Variants in GPC5 observed in about 807,000 individuals in gnomAD.
GPC5 encodes the protein glypican 5.
In GPC5, 47 loss-of-function variants were observed where a neutral mutation model predicts 53.9. The observed-to-expected ratio is 0.87, with a 90% confidence interval of 0.69 to 1.11. The LOEUF is 1.11. GPC5 is among the 50% of genes most tolerant of loss of function. GPC5 has a pLI of 0.00. For missense variants in GPC5, 748 were observed against 713.1 expected (o/e 1.05, Z -0.56); for synonymous variants, 286 against 263.3 (o/e 1.09, Z -0.84).
chr13:91,441,671 T>G (rs1045240395), intron 1 of GPC5, among the ~76,000 whole-genome samples: 1 of 152,226 alleles, frequency 6.6e-6, no homozygotes, highest in African/African-American at 2.4e-5. Flanking sequence ...ATTAATGGTC[T>G]TAAGTATTTT....
chr13:92,574,538 T>C (rs1412270792), intron 7 of GPC5, among the ~76,000 whole-genome samples: 1 of 152,220 alleles, frequency 6.6e-6, no homozygotes, highest in Non-Finnish European at 1.5e-5. Flanking sequence ...TCTCATAGTA[T>C]TGGGTTTTCT....
In GPC5 at chr13:92,759,896, C is replaced by A. The variant is rs560020268; in HGVS notation, c.1562-106386C>A. On this transcript the variant is annotated intron_variant, in intron 7 of 7. Coordinates refer to ENST00000377067, the MANE Select transcript of GPC5 (RefSeq NM_004466.6). Reference sequence around the variant, plus strand: ...TATAGTGAGAAACTTTCCTTTACACCTAAACAGTTAAGAGTTTTTATCAAG... The same window carrying A: ...TATAGTGAGAAACTTTCCTTTACACATAAACAGTTAAGAGTTTTTATCAAG... Among the ~76,000 whole-genome samples the A allele has an allele frequency of 2.6e-5, 4 of 152,062 alleles. No individual in the cohort carries two copies. The East Asian group carries it at 7.7e-4, about 29-fold the overall frequency.
chr13:92,295,410 T>C (rs543452984), intron 7 of GPC5, among the ~76,000 whole-genome samples: 2 of 152,156 alleles, frequency 1.3e-5, no homozygotes, highest in East Asian at 3.9e-4. Flanking sequence ...TTTTTTAAAA[T>C]TTATTGAGGC....
At chr13:92,489,731 TTTTG>T (rs1879688134) in intron 7 of GPC5, among the ~76,000 whole-genome samples, 1 of 152,126 alleles carries the variant, frequency 6.6e-6, no homozygotes, top group South Asian at 2.1e-4. Flanking sequence ...CACCACGTTC[TTTTG>T]TTTGTCTAGA....
chr13:92,741,430 T>C (rs989610595), intron 7 of GPC5, among the ~76,000 whole-genome samples: 1 of 151,938 alleles, frequency 6.6e-6, no homozygotes, highest in African/African-American at 2.4e-5. Flanking sequence ...TCATAAGATG[T>C]GCCTCCTCAA....
chr13:91,507,152 G>A (rs1414442857), intron 2 of GPC5, among the ~76,000 whole-genome samples: 1 of 152,094 alleles, frequency 6.6e-6, no homozygotes, highest in Non-Finnish European at 1.5e-5. Context: ...CTGGAGGCTG[G>A]GAATTTCAAG....
At chr13:91,979,888 A>G (rs1431174484) in intron 6 of GPC5, among the ~76,000 whole-genome samples, 5 of 152,234 alleles carry the variant, frequency 3.3e-5, no homozygotes, top group African/African-American at 1.2e-4. Flanking sequence ...GAGTTAGTAC[A>G]TATGACTGTG....
chr13:92,065,611 C>A (rs1170707226), intron 6 of GPC5, among the ~76,000 whole-genome samples: 1 of 152,060 alleles, frequency 6.6e-6, no homozygotes, highest in Admixed American at 6.5e-5. Flanking sequence ...TTAGATCGAA[C>A]GGATGTTTTG....
At chr13:92,099,072 G>C (rs2041444599) in intron 6 of GPC5, among the ~76,000 whole-genome samples, 2 of 150,856 alleles carry the variant, frequency 1.3e-5, no homozygotes, top group African/African-American at 4.9e-5. Context: ...GCGTCTAATT[G>C]ATTATTGAGT....
intron 7 of GPC5, among the ~76,000 whole-genome samples, chr13:92,510,827 C>A (rs1381195877): frequency 6.6e-6 from 1 of 152,166 alleles, no homozygotes; most frequent in East Asian, 1.9e-4. Context: ...TTGATAGCAT[C>A]TCCATTACCA....
At position 92,306,503 on chromosome 13, in the gene GPC5, T is replaced by G. The variant is rs1365438893; in HGVS notation, c.1561+161514T>G. 3.3e-5 allele frequency among the ~76,000 whole-genome samples: 5 copies of G among 152,192 alleles called. No individual in the cohort carries two copies. The East Asian group carries it at 9.7e-4, about 29-fold the overall frequency. Reference sequence around the variant, plus strand: ...AGAAGGCTTCCCATTGGAGGCAGCTTAATGTAGACTCTTACCCTAGCCAGA... The same window carrying G: ...AGAAGGCTTCCCATTGGAGGCAGCTGAATGTAGACTCTTACCCTAGCCAGA... On this transcript the variant is annotated intron_variant, in intron 7 of 7. Transcript: ENST00000377067.
At chr13:92,256,800 GT>G (rs937066429) in intron 7 of GPC5, among the ~76,000 whole-genome samples, 8 of 148,856 alleles carry the variant, frequency 5.4e-5, no homozygotes, top group African/African-American at 1.7e-4. Flanking sequence ...TTCCCTCATC[GT>G]TTTGAAAACA....
chr13:92,369,695 G>C (rs979968017), intron 7 of GPC5, among the ~76,000 whole-genome samples: 7 of 152,122 alleles, frequency 4.6e-5, no homozygotes, highest in Admixed American at 4.6e-4. Context: ...TCAGATCTTC[G>C]TATCATAAAA....
chr13:91,952,803 G>A (rs2040039729), intron 6 of GPC5, among the ~76,000 whole-genome samples: 1 of 152,076 alleles, frequency 6.6e-6, no homozygotes, highest in African/African-American at 2.4e-5. Context: ...AAATAGAGAG[G>A]TTGGCTAAAC....
At chr13:92,438,174 T>G (rs1877393712) in intron 7 of GPC5, among the ~76,000 whole-genome samples, 1 of 151,810 alleles carries the variant, frequency 6.6e-6, no homozygotes, top group Non-Finnish European at 1.5e-5. Flanking sequence ...GTAGACTCAG[T>G]CTACTTTTCA....
At chr13:91,571,480 T>C (rs1227525473) in intron 2 of GPC5, among the ~76,000 whole-genome samples, 2 of 151,974 alleles carry the variant, frequency 1.3e-5, no homozygotes, top group Admixed American at 6.6e-5. Context: ...ATTATGAAAA[T>C]TTTATGTGTA....
At chr13:92,430,953 A>T (rs1019459640) in intron 7 of GPC5, among the ~76,000 whole-genome samples, 1 of 152,172 alleles carries the variant, frequency 6.6e-6, no homozygotes, top group Non-Finnish European at 1.5e-5. Context: ...CAAGTAAAGC[A>T]TCAGACACAA....
chr13:91,464,669 G>C (rs1169653305), intron 2 of GPC5, among the ~76,000 whole-genome samples: 1 of 152,112 alleles, frequency 6.6e-6, no homozygotes, highest in Non-Finnish European at 1.5e-5. Flanking sequence ...GGTTCCCTGG[G>C]GTTAGGGACG....
intron 2 of GPC5, among the ~76,000 whole-genome samples, chr13:91,471,060 T>G (rs141903598): frequency 6.6e-6 from 1 of 152,008 alleles, no homozygotes; most frequent in African/African-American, 2.4e-5. Context: ...ACCGATGGAG[T>G]ATTGTGATAT....
Sources: gnomAD v4.1 joint callset for allele counts (sites outside exome capture counted in the v4.1 genomes callset) on GRCh38, gnomAD v4.1.1 for gene constraint, MANE v1.5 for transcripts, NCBI Gene and HGNC (gene_info 2026-07-23, HGNC 2026-07-21) for gene names.